The following TDRD1 variants were observed in gnomAD, a reference collection of about 807,000 sequenced individuals.
The protein encoded by TDRD1 is tudor domain containing 1, also known as tudor domain-containing protein 1.
TDRD1 carries 37 observed loss-of-function variants against 140.6 expected under a neutral mutation model. That is an observed-to-expected ratio of 0.26 (90% CI 0.20 to 0.35). The LOEUF (loss-of-function observed/expected upper bound fraction) is 0.35. Among genes scored for constraint, TDRD1 ranks in the 10% least tolerant of loss-of-function variants. The pLI is 1.00. For missense variants in TDRD1, 1,243 were observed against 1,393.0 expected (o/e 0.89, Z 1.71); for synonymous variants, 506 against 475.7 (o/e 1.06, Z -0.83).
intron 7 of TDRD1, 41 bp from the exon 8 acceptor site, chr10:114,203,347 G>T: frequency 6.4e-7 from 1 of 1,550,530 alleles, no homozygotes; most frequent in Non-Finnish European, 8.7e-7. Context: ...ATTTCCTTGT[G>T]TGCCTTATGA....
chr10:114,206,254 A>G (rs1274327804), exon 11 of TDRD1: 1 of 1,613,058 alleles, frequency 6.2e-7, no homozygotes. Flanking sequence ...GAAAACTTTT[A>G]GACCATGTGC....
At chr10:114,187,967 A>G (rs370436895) in exon 2 of TDRD1, 125 of 1,614,078 alleles carry the variant, frequency 7.7e-5, no homozygotes, top group Non-Finnish European at 1.0e-4. Flanking sequence ...AAGTCCTGGA[A>G]CACTTCCTAA....
intron 1 of TDRD1, among the ~76,000 whole-genome samples, chr10:114,185,667 A>G (rs892898485): frequency 1.3e-5 from 2 of 150,642 alleles, no homozygotes; most frequent in East Asian, 4.0e-4. Flanking sequence ...GGCTCACTGT[A>G]ACCTCCACCT....
intron 18 of TDRD1, among the ~76,000 whole-genome samples, chr10:114,219,573 T>C (rs1456895084): frequency 4.6e-5 from 7 of 150,888 alleles, no homozygotes; most frequent in African/African-American, 1.2e-4. Flanking sequence ...TTTCAGATTA[T>C]TGTTCTTTTT....
At chr10:114,179,459 G>A (rs919771710) in intron 1 of TDRD1, 43 bp downstream of exon 1, 5 of 152,556 alleles carry the variant, frequency 3.3e-5, no homozygotes, top group African/African-American at 1.2e-4. Context: ...GGGCCTGCAT[G>A]AAGGGGAAGG....
At chr10:114,230,565 C>G (rs1348073278) in intron 25 of TDRD1, among the ~76,000 whole-genome samples, 1 of 152,168 alleles carries the variant, frequency 6.6e-6, no homozygotes, top group Non-Finnish European at 1.5e-5. Context: ...GGTCTTACGA[C>G]TTAAAACAGT....
At chr10:114,194,098 G>A (rs2034175594) in intron 3 of TDRD1, among the ~76,000 whole-genome samples, 1 of 152,102 alleles carries the variant, frequency 6.6e-6, no homozygotes, top group Admixed American at 6.5e-5. Flanking sequence ...GTTCTATCTG[G>A]TAATATTTTG....
At chr10:114,180,812 G>A (rs893243171) in intron 1 of TDRD1, among the ~76,000 whole-genome samples, 5 of 152,186 alleles carry the variant, frequency 3.3e-5, no homozygotes, top group African/African-American at 7.2e-5. Context: ...AGAATACATG[G>A]GGTTGCCAGG....
intron 3 of TDRD1, among the ~76,000 whole-genome samples, chr10:114,194,391 A>G (rs1056758436): frequency 6.6e-6 from 1 of 152,166 alleles, no homozygotes. Context: ...ATTAAGGTCT[A>G]TTCAAATTGT....
At chr10:114,211,829 G>C (rs765358786) in intron 13 of TDRD1, 37 bp from the exon 14 acceptor site, 6 of 1,481,448 alleles carry the variant, frequency 4.1e-6, no homozygotes, top group Middle Eastern at 1.8e-4. Context: ...ATCTACAGTG[G>C]AAAAATCATT....
rs987669905 is a variant in TDRD1 at position 114,218,530 on chromosome 10, A to G, written c.2440A>G (p.Ile814Val). The G allele has an allele frequency of 2.5e-6, 4 of 1,612,210 alleles. No individual in the cohort carries two copies. The African/African-American group carries it at 5.3e-5, about 22-fold the overall frequency. The change falls in exon 18 of 26, where the codon ATA becomes GTA. Residue 814 changes from isoleucine to valine, a missense_variant. This residue lies in a region of TDRD1 where 601 missense variants were observed against 734.7 expected (regional missense o/e 0.82). Coordinates refer to ENST00000251864, the Ensembl canonical transcript of TDRD1. Reference sequence around the variant, plus strand: ...AGTTACTGCAGATGAACTCCGAATGATATCATCAACATTTTTAAACCTTCC... The same window carrying G: ...AGTTACTGCAGATGAACTCCGAATGGTATCATCAACATTTTTAAACCTTCC...
chr10:114,187,899 C>A, exon 2 of TDRD1: 1 of 1,612,392 alleles, frequency 6.2e-7, no homozygotes, highest in Non-Finnish European at 8.5e-7. Context: ...TGTAAGATGA[C>A]AGAGCCATTT....
intron 25 of TDRD1, chr10:114,228,560 A>G (rs1424100510): frequency 3.0e-6 from 3 of 990,480 alleles, no homozygotes; most frequent in Non-Finnish European, 3.6e-6. Flanking sequence ...AAGAACGGAA[A>G]GTGGATCTAA....
chr10:114,214,140 CT>C, intron 16 of TDRD1, 26 bp downstream of exon 16: 2 of 1,604,568 alleles, frequency 1.2e-6, no homozygotes, highest in Non-Finnish European at 1.7e-6. Context: ...TCATTTGTTT[CT>C]TTTTACAAAT....
chr10:114,184,382 A>C (rs529963517), intron 1 of TDRD1, among the ~76,000 whole-genome samples: 1 of 152,334 alleles, frequency 6.6e-6, no homozygotes, highest in East Asian at 1.9e-4. Context: ...CGCCAGACAC[A>C]CTTGGCTCTG....
At chr10:114,201,303 A>C in intron 4 of TDRD1, 107 bp from the exon 5 acceptor site, 1 of 853,744 alleles carries the variant, frequency 1.2e-6, no homozygotes. Flanking sequence ...CTGATCCTAA[A>C]TAGCACAATT....
intron 5 of TDRD1, among the ~76,000 whole-genome samples, chr10:114,201,875 T>A (rs986963648): frequency 2.6e-5 from 4 of 152,252 alleles, no homozygotes; most frequent in Non-Finnish European, 5.9e-5. Context: ...TTGCATGGCA[T>A]TTACCAGTTT....
intron 3 of TDRD1, among the ~76,000 whole-genome samples, chr10:114,192,381 G>A (rs1181314073): frequency 7.7e-6 from 1 of 130,300 alleles, no homozygotes; most frequent in African/African-American, 3.0e-5. Context: ...TCGGCTCACT[G>A]CAACCTCCGC....
At chr10:114,192,664 T>G (rs2034070774) in intron 3 of TDRD1, among the ~76,000 whole-genome samples, 1 of 152,184 alleles carries the variant, frequency 6.6e-6, no homozygotes, top group Non-Finnish European at 1.5e-5. Context: ...GAAACTTAAG[T>G]TTTTGCCTAT....
Sources: allele counts gnomAD v4.1 joint callset (sites outside exome capture counted in the v4.1 genomes callset), GRCh38; gene constraint gnomAD v4.1.1; regional missense constraint gnomAD v4.1.1; transcripts MANE v1.5; gene names NCBI Gene and HGNC (gene_info 2026-07-23, HGNC 2026-07-21).